The following SIK2 variants were observed in gnomAD, a reference collection of about 807,000 sequenced individuals.
SIK2 encodes salt inducible kinase 2, also known as serine/threonine-protein kinase SIK2.
In SIK2, 29 loss-of-function variants were observed where a neutral mutation model predicts 103.2. The ratio of observed to expected loss-of-function variants is 0.28; its 90% CI spans 0.21 to 0.38. SIK2 has a LOEUF of 0.38. Among genes scored for constraint, SIK2 ranks in the 10% least tolerant of loss-of-function variants. SIK2 has a pLI of 1.00. For missense variants in SIK2, 879 were observed against 1,171.0 expected (o/e 0.75, Z 3.64); for synonymous variants, 412 against 446.1 (o/e 0.92, Z 0.96).
chr11:111,655,683 C>A (rs1942382503), intron 3 of SIK2, among the ~76,000 whole-genome samples: 1 of 152,098 alleles, frequency 6.6e-6, no homozygotes, highest in South Asian at 2.1e-4. Context: ...GTGGAGGTCT[C>A]TTGTTATGGT....
In SIK2 at chr11:111,722,852, C is replaced by A; in HGVS notation, c.2147+96C>A. ...CCTTTTCCTCTCACATTCGCCACTA[C>A]TAGGAAAATAGGTTTTCTGCGTGTG... On this transcript the variant is annotated intron_variant, in intron 14 of 14. Transcript: ENST00000304987. This position sits in a 1 kb window ranked among gnomAD's most constrained non-coding sequence, Gnocchi z 4.4. The A allele has an allele frequency of 8.7e-7, 1 of 1,150,868 alleles. No individual in the cohort carries two copies. Among genetic ancestry groups the A allele is most frequent in the Admixed American group, 2.0e-5 (1 of 48,916 alleles). 71.3% of individuals were successfully genotyped at this position (1,150,868 alleles called of 1,614,324 possible).
rs80263616 is a variant in SIK2 at position 111,635,040 on chromosome 11, C to T, written c.316+14638C>T. 7.8e-3 allele frequency among the ~76,000 whole-genome samples: 1,182 copies of T among 152,216 alleles called. 7 individuals carry two copies. Among genetic ancestry groups the T allele is most frequent in the Non-Finnish European group, 0.013 (907 of 67,990 alleles). On this transcript the variant is annotated intron_variant, in intron 3 of 14. Transcript: ENST00000304987. ...GTATAATAGTTATCTTTGAAGAGGT[C>T]AGATCTAATTGGATTATTTATAAAT...
chr11:111,720,627 A>T lies in SIK2; in HGVS notation c.1645A>T (p.Thr549Ser), dbSNP rs1943771850. The change falls in exon 11 of 15, where the codon ACA (threonine) becomes TCA (serine). Residue 549 changes from threonine to serine, a missense_variant. Around this residue, in one of 7 missense-constraint regions of SIK2, gnomAD observed 222 missense variants for 258.0 expected, o/e 0.86. Coordinates refer to ENST00000304987, the MANE Select transcript of SIK2 (RefSeq NM_015191.3). ...MLANQPSPRM[T>S]SPFISLRPTN... ...AGCCAATCAGCCTTCACCCCGCATG[A>T]CATCTCCCTTCATAAGCCTGAGACC... 6.2e-7 allele frequency: 1 copy of T among 1,614,014 alleles called. No individual in the cohort carries two copies. The highest frequency in any genetic ancestry group is 1.1e-5 in the South Asian group (1 of 91,058).
chr11:111,633,259 C>G (rs962132068), intron 3 of SIK2, among the ~76,000 whole-genome samples: 29 of 152,156 alleles, frequency 1.9e-4, no homozygotes, highest in African/African-American at 5.8e-4. Flanking sequence ...TAGGAGAACA[C>G]TGTAGTTCTC....
intron 1 of SIK2, among the ~76,000 whole-genome samples, chr11:111,615,444 T>C (rs1565308940): frequency 1.3e-5 from 2 of 152,210 alleles, no homozygotes; most frequent in Admixed American, 6.5e-5. Flanking sequence ...GAAAAATTTA[T>C]TTAAATCAGA....
At chr11:111,659,901 G>A (rs1942445359) in intron 3 of SIK2, among the ~76,000 whole-genome samples, 1 of 152,204 alleles carries the variant, frequency 6.6e-6, no homozygotes, top group East Asian at 1.9e-4. Context: ...GGAGACACAG[G>A]TTCTTTGCAT....
chr11:111,628,161 A>G (rs1481490462), intron 3 of SIK2, among the ~76,000 whole-genome samples: 3 of 152,138 alleles, frequency 2.0e-5, no homozygotes, highest in South Asian at 2.1e-4. Context: ...TATTTATTTA[A>G]TATTATCCGT....
At chr11:111,667,524 C>A (rs1434549399) in intron 3 of SIK2, among the ~76,000 whole-genome samples, 2 of 131,392 alleles carry the variant, frequency 1.5e-5, no homozygotes, top group Non-Finnish European at 3.2e-5. Flanking sequence ...CAGGGTCTCA[C>A]TCTGTCGCCC....
At chr11:111,612,370 A>G (rs1237406561) in intron 1 of SIK2, among the ~76,000 whole-genome samples, 1 of 152,202 alleles carries the variant, frequency 6.6e-6, no homozygotes, top group Non-Finnish European at 1.5e-5. Flanking sequence ...AGTATTATAC[A>G]TATTTCTGGG....
intron 3 of SIK2, among the ~76,000 whole-genome samples, chr11:111,635,143 G>T (rs1171429362): frequency 6.6e-6 from 1 of 152,004 alleles, no homozygotes; most frequent in Non-Finnish European, 1.5e-5. Context: ...AATTGTTATT[G>T]TTCTCCCTCC....
rs117113092 is a variant in SIK2 at position 111,631,962 on chromosome 11, A to T, written c.316+11560A>T. Among the ~76,000 whole-genome samples the T allele has an allele frequency of 2.1e-3, 317 of 152,318 alleles. 10 individuals carry two copies. The East Asian group carries it at 0.054, about 26-fold the overall frequency. On this transcript the variant is annotated intron_variant, in intron 3 of 14. Transcript: ENST00000304987. Reference sequence around the variant, plus strand: ...CCTTTATTTTTGTTCAGTTAATTATATTGTACCTCATTCCACAAAGAGTTG... The same window carrying T: ...CCTTTATTTTTGTTCAGTTAATTATTTTGTACCTCATTCCACAAAGAGTTG...
intron 4 of SIK2, among the ~76,000 whole-genome samples, chr11:111,690,986 G>A (rs1729913274): frequency 6.6e-6 from 1 of 152,152 alleles, no homozygotes. Flanking sequence ...ATCATATGCT[G>A]TAGGAATTAC....
chr11:111,663,158 C>T (rs958703428), intron 3 of SIK2, among the ~76,000 whole-genome samples: 10 of 149,468 alleles, frequency 6.7e-5, no homozygotes, highest in Admixed American at 6.0e-4. Flanking sequence ...CACCTGAGTC[C>T]GGTAGTCTAG....
intron 3 of SIK2, among the ~76,000 whole-genome samples, chr11:111,629,928 T>C (rs997424311): frequency 2.0e-5 from 3 of 152,196 alleles, no homozygotes; most frequent in Admixed American, 1.3e-4. Flanking sequence ...AAGTTAAACA[T>C]GCATATACCC....
At chr11:111,713,898 T>C (rs1312134949) in intron 9 of SIK2, among the ~76,000 whole-genome samples, 2 of 151,716 alleles carry the variant, frequency 1.3e-5, no homozygotes, top group African/African-American at 4.8e-5. Context: ...ACCCAGGAAG[T>C]GGAGGTTGCA....
chr11:111,698,215 T>G (rs1486769507), intron 4 of SIK2, among the ~76,000 whole-genome samples: 4 of 152,142 alleles, frequency 2.6e-5, no homozygotes, highest in African/African-American at 9.7e-5. Context: ...ACAGGAAGCT[T>G]TCTTTGTGCT....
chr11:111,712,191 T>C lies in SIK2; in HGVS notation c.1102-20T>C, dbSNP rs369769328. 4 of 1,610,562 alleles carry C rather than the reference T, an allele frequency of 2.5e-6. No homozygotes were observed. Among genetic ancestry groups the C allele is most frequent in the Non-Finnish European group, 3.4e-6 (4 of 1,178,034 alleles). Reference sequence around the variant, plus strand: ...AAGGTATTCATGTTCCCAAACTGTCTGTTCTTGCCATATTTACAGGCACAG... The same window carrying C: ...AAGGTATTCATGTTCCCAAACTGTCCGTTCTTGCCATATTTACAGGCACAG... On this transcript the variant is annotated intron_variant, in intron 8 of 14. Coordinates refer to ENST00000304987, the MANE Select transcript of SIK2 (RefSeq NM_015191.3).
At chr11:111,623,994 C>T (rs1941928551) in intron 3 of SIK2, among the ~76,000 whole-genome samples, 3 of 152,316 alleles carry the variant, frequency 2.0e-5, no homozygotes, top group Admixed American at 6.5e-5. Context: ...ACCTGTTGCT[C>T]AGGGTTCACT....
intron 14 of SIK2, 33 bp from the exon 15 acceptor site, chr11:111,723,463 T>G: frequency 6.4e-7 from 1 of 1,551,284 alleles, no homozygotes; most frequent in Non-Finnish European, 8.7e-7. Flanking sequence ...TTGAGAAGAT[T>G]TAAAATTCTT....
Sources: allele counts gnomAD v4.1 joint callset (sites outside exome capture counted in the v4.1 genomes callset), GRCh38; gene constraint gnomAD v4.1.1; regional missense constraint gnomAD v4.1.1; non-coding constraint Gnocchi (gnomAD v3.1); transcripts MANE v1.5; gene names NCBI Gene and HGNC (gene_info 2026-07-23, HGNC 2026-07-21).